Variants in CADM2 observed in about 807,000 individuals in gnomAD.
The protein encoded by CADM2 is cell adhesion molecule 2.
In CADM2, 12 loss-of-function variants were observed where a neutral mutation model predicts 49.8. That is an observed-to-expected ratio of 0.24 (90% CI 0.15 to 0.39). The LOEUF is 0.39. Ranked by LOEUF, CADM2 falls within the 10% of genes least tolerant of loss-of-function variation. CADM2 has a pLI of 1.00. For missense variants in CADM2, 378 were observed against 492.3 expected (o/e 0.77, Z 2.20); for synonymous variants, 214 against 175.4 (o/e 1.22, Z -1.74).
At chr3:85,421,723 G>A (rs1451612336) in intron 1 of CADM2, among the ~76,000 whole-genome samples, 1 of 152,126 alleles carries the variant, frequency 6.6e-6, no homozygotes, top group Non-Finnish European at 1.5e-5. Flanking sequence ...CTCACATATT[G>A]TTCACTATTG....
intron 8 of CADM2, among the ~76,000 whole-genome samples, chr3:86,015,690 G>T (rs1315300026): frequency 6.6e-6 from 1 of 152,158 alleles, no homozygotes; most frequent in African/African-American, 2.4e-5. Flanking sequence ...GAATGGAAGA[G>T]CCTGGCGTTG....
At chr3:85,910,448 T>A (rs1040628026) in intron 5 of CADM2, among the ~76,000 whole-genome samples, 5 of 152,146 alleles carry the variant, frequency 3.3e-5, no homozygotes, top group African/African-American at 9.6e-5. Flanking sequence ...TAAATGCATC[T>A]GAATTATTGT....
chr3:85,312,275 A>G (rs1305704827), intron 1 of CADM2, among the ~76,000 whole-genome samples: 2 of 152,160 alleles, frequency 1.3e-5, no homozygotes, highest in African/African-American at 2.4e-5. Context: ...AGATTAATAA[A>G]GTAATTTAAA....
At chr3:85,050,982 G>A (rs977697459) in intron 1 of CADM2, among the ~76,000 whole-genome samples, 1 of 152,096 alleles carries the variant, frequency 6.6e-6, no homozygotes, top group Non-Finnish European at 1.5e-5. Flanking sequence ...AAGGACTGCC[G>A]CTGAAAAGCC....
At chr3:85,176,997 A>T (rs2040802699) in intron 1 of CADM2, among the ~76,000 whole-genome samples, 2 of 152,180 alleles carry the variant, frequency 1.3e-5, no homozygotes, top group Non-Finnish European at 2.9e-5. Context: ...CTTTGGCTGA[A>T]GATGAATATA....
At chr3:85,849,880 CAG>C (rs1349870161) in intron 3 of CADM2, among the ~76,000 whole-genome samples, 1 of 146,014 alleles carries the variant, frequency 6.8e-6, no homozygotes, top group Non-Finnish European at 1.5e-5. Context: ...CTCTTGCAAA[CAG>C]AGTATTACCA....
intron 8 of CADM2, among the ~76,000 whole-genome samples, chr3:86,057,141 G>A (rs987915946): frequency 2.5e-4 from 38 of 151,952 alleles, no homozygotes; most frequent in South Asian, 1.0e-3. Flanking sequence ...ATAAAATTAC[G>A]ACATAATAGA....
Position 85,106,243 on chromosome 3 carries a change from A to G in CADM2, c.61+146575A>G, listed in dbSNP as rs143906893. Among the ~76,000 whole-genome samples the G allele has an allele frequency of 2.8e-3, 429 of 152,306 alleles. 2 individuals carry two copies. Among genetic ancestry groups the G allele is most frequent in the African/African-American group, 9.9e-3 (411 of 41,572 alleles). On this transcript the variant is annotated intron_variant, in intron 1 of 9. Coordinates refer to ENST00000383699, the MANE Select transcript of CADM2 (RefSeq NM_001167675.2). ...ATTATGAAGGTTGCATTGATACGACATATCAAATTTTAATATGTAAATGTG... is the reference window on the plus strand; with the variant it reads ...ATTATGAAGGTTGCATTGATACGACGTATCAAATTTTAATATGTAAATGTG...
chr3:85,699,408 C>T (rs926689300), intron 1 of CADM2, among the ~76,000 whole-genome samples: 2 of 152,194 alleles, frequency 1.3e-5, no homozygotes, highest in Admixed American at 6.5e-5. Context: ...AGAGATTCCC[C>T]GTGAGGTCTC....
chr3:85,785,195 G>T (rs182922795), intron 2 of CADM2, among the ~76,000 whole-genome samples: 1 of 152,040 alleles, frequency 6.6e-6, no homozygotes, highest in African/African-American at 2.4e-5. Flanking sequence ...CTGGCTAAAG[G>T]TTGGTCAATT....
chr3:85,957,026 A>T (rs1294109841), intron 7 of CADM2, among the ~76,000 whole-genome samples: 1 of 151,678 alleles, frequency 6.6e-6, no homozygotes, highest in Non-Finnish European at 1.5e-5. Flanking sequence ...CACCAGTATA[A>T]CTTCTATTTT....
At chr3:84,980,419 G>A (rs2032101102) in intron 1 of CADM2, among the ~76,000 whole-genome samples, 2 of 152,206 alleles carry the variant, frequency 1.3e-5, no homozygotes, top group Non-Finnish European at 1.5e-5. Context: ...TTAACAGATA[G>A]AAGAGTTTTT....
intron 3 of CADM2, among the ~76,000 whole-genome samples, chr3:85,819,304 C>T (rs1342449141): frequency 2.0e-5 from 3 of 152,110 alleles, no homozygotes; most frequent in African/African-American, 7.2e-5. Context: ...TCTCCCAGTC[C>T]ACTGACTCAA....
intron 1 of CADM2, among the ~76,000 whole-genome samples, chr3:85,251,904 A>T (rs1019184544): frequency 1.3e-5 from 2 of 151,990 alleles, no homozygotes; most frequent in Non-Finnish European, 1.5e-5. Flanking sequence ...TAGAGTTGGA[A>T]GGATTATCTG....
intron 2 of CADM2, among the ~76,000 whole-genome samples, chr3:85,735,832 T>G (rs1479634207): frequency 1.3e-5 from 2 of 151,968 alleles, no homozygotes; most frequent in Non-Finnish European, 1.5e-5. Context: ...CACAACAAAA[T>G]AACGACAGCT....
rs138895450 is a variant in CADM2 at position 85,967,575 on chromosome 3, A to T, written c.970+5928A>T. ...AATACATCCCTAATCTTAGAGAGATATATCTCTCATGTATTCATGTCATGA... is the reference window on the plus strand; with the variant it reads ...AATACATCCCTAATCTTAGAGAGATTTATCTCTCATGTATTCATGTCATGA... On this transcript the variant is annotated intron_variant, in intron 8 of 9. Transcript: ENST00000383699. Among the ~76,000 whole-genome samples, 10 of 151,746 alleles carry T rather than the reference A, an allele frequency of 6.6e-5. No individual in the cohort carries two copies. The East Asian group carries it at 2.0e-3, about 30-fold the overall frequency.
intron 2 of CADM2, chr3:85,800,144 C>T (rs898567238): frequency 2.0e-5 from 3 of 152,284 alleles, no homozygotes; most frequent in African/African-American, 7.2e-5. Flanking sequence ...CTGCAGTGGG[C>T]TCCACCTAGT....
At position 85,611,738 on chromosome 3, in the gene CADM2, G is replaced by A. The variant is rs186853766; in HGVS notation, c.62-114784G>A. ...TTTTTTTTTTTTCAGAGAATGAAGA[G>A]ATTTGGTAAGCCGTTGAAGCACACA... On this transcript the variant is annotated intron_variant, in intron 1 of 9. Transcript: ENST00000383699. 3.4e-3 allele frequency among the ~76,000 whole-genome samples: 507 copies of A among 149,706 alleles called. 5 individuals carry two copies. The highest frequency in any genetic ancestry group is 5.1e-3 in the Non-Finnish European group (343 of 67,522).
rs560967344 is a variant in CADM2 at position 85,708,400 on chromosome 3, A to C, written c.62-18122A>C. On this transcript the variant is annotated intron_variant, in intron 1 of 9. Transcript: ENST00000383699. Reference sequence around the variant, plus strand: ...TTCAATCACAAAAACAATAAAACCCACTGTAACTAACTTTGGGAGTCAGGG... The same window carrying C: ...TTCAATCACAAAAACAATAAAACCCCCTGTAACTAACTTTGGGAGTCAGGG... 3.3e-5 allele frequency among the ~76,000 whole-genome samples: 5 copies of C among 152,242 alleles called. No individual in the cohort carries two copies. In the South Asian group the frequency reaches 8.3e-4, roughly 25 times the overall value.
Sources: gnomAD v4.1 joint callset for allele counts (sites outside exome capture counted in the v4.1 genomes callset) on GRCh38, gnomAD v4.1.1 for gene constraint, MANE v1.5 for transcripts, NCBI Gene and HGNC (gene_info 2026-07-23, HGNC 2026-07-21) for gene names.